ATXN7: variants seen among roughly 807,000 people sequenced by gnomAD.
The protein encoded by ATXN7 is ataxin 7.
A neutral mutation model predicts 70.5 loss-of-function variants in ATXN7; 12 were observed. The ratio of observed to expected loss-of-function variants is 0.17; its 90% CI spans 0.11 to 0.28. The LOEUF (loss-of-function observed/expected upper bound fraction) is 0.28, where lower values mean the gene tolerates loss of function less well. ATXN7 is among the 10% of genes least tolerant of loss of function. The pLI is 1.00. For missense variants in ATXN7, 1,256 were observed against 1,131.7 expected, an observed-to-expected ratio of 1.11 and a Z score of -1.58; for synonymous variants, 498 against 448.7, an observed-to-expected ratio of 1.11 and a Z score of -1.39.
chr3:63,990,855 T>C lies in ATXN7; in HGVS notation c.1678T>C (p.Trp560Arg). ...GGAGAAGCATCTGAATGCACAGCTA[T>C]GGAAGTGAGTGCCTGTTGTTCTTGG... The part of the protein sequence containing the change: ...MVEKHLNAQL[W>R]KKIPPVPSTT... Residue 560 changes from tryptophan (W) to arginine (R), a missense_variant, in exon 11 of 13, where the codon TGG becomes CGG. Trp to Arg is a moderately radical substitution (Grantham distance 101). Coordinates refer to ENST00000674280, the MANE Select transcript of ATXN7 (RefSeq NM_001377405.1). The C allele has an allele frequency of 6.2e-7, 1 of 1,614,244 alleles. No individual in the cohort carries two copies. The highest frequency in any genetic ancestry group is 8.5e-7 in the Non-Finnish European group (1 of 1,180,052).
intron 4 of ATXN7, among the ~76,000 whole-genome samples, chr3:63,938,464 C>G (rs541760667): frequency 1.3e-5 from 2 of 152,308 alleles, no homozygotes; most frequent in South Asian, 4.1e-4. Context: ...CCCCTTTCCC[C>G]TCTTCAGTGT....
chr3:63,879,197 A>G (rs1048349515), intron 1 of ATXN7, among the ~76,000 whole-genome samples: 3 of 152,230 alleles, frequency 2.0e-5, no homozygotes, highest in African/African-American at 7.2e-5. Context: ...TAATATAAAT[A>G]GCCCAAAGAG....
At chr3:63,980,361 T>A in intron 6 of ATXN7, 194 bp downstream of exon 6, 1 of 698,932 alleles carries the variant, frequency 1.4e-6, no homozygotes, top group Non-Finnish European at 2.3e-6. Flanking sequence ...ATAGCAGTGA[T>A]AATAAGGTTA....
At chr3:63,895,797 C>G (rs1222051823) in intron 1 of ATXN7, among the ~76,000 whole-genome samples, 2 of 152,010 alleles carry the variant, frequency 1.3e-5, no homozygotes, top group East Asian at 3.9e-4. Context: ...CTCTCTCTCT[C>G]TCTGTGTCTC....
chr3:63,942,482 TTTGTG>T, intron 4 of ATXN7, among the ~76,000 whole-genome samples: 1 of 152,302 alleles, frequency 6.6e-6, no homozygotes, highest in South Asian at 2.1e-4. Flanking sequence ...TTTTTTTTCT[TTTGTG>T]TAGGGTTGTG....
intron 4 of ATXN7, among the ~76,000 whole-genome samples, chr3:63,918,386 A>T (rs1007517865): frequency 1.3e-5 from 2 of 152,160 alleles, no homozygotes; most frequent in Non-Finnish European, 2.9e-5. Context: ...CTTAAATAGC[A>T]TTTCTGTTTT....
intron 5 of ATXN7, among the ~76,000 whole-genome samples, chr3:63,954,770 G>A (rs1303115643): frequency 6.9e-6 from 1 of 145,752 alleles, no homozygotes; most frequent in African/African-American, 2.6e-5. Context: ...GTGTAGTGGC[G>A]CCATCTCGGC....
At chr3:63,996,560 TTTGGTTGGG>T in intron 12 of ATXN7, 77 bp downstream of exon 12, 1 of 1,513,796 alleles carries the variant, frequency 6.6e-7, no homozygotes, top group Non-Finnish European at 8.9e-7. Flanking sequence ...CAGAAATGTG[TTTGGTTGGG>T]TTGGTTGGTT....
chr3:63,945,132 C>G (rs2074838427), intron 4 of ATXN7, among the ~76,000 whole-genome samples: 1 of 152,158 alleles, frequency 6.6e-6, no homozygotes, highest in African/African-American at 2.4e-5. Context: ...TGAGTGATTA[C>G]TATCAGTAGT....
rs770246503 is a variant in ATXN7, at chr3:63,912,957, C to T, written c.325+34C>T. On this transcript the variant is annotated intron_variant, in intron 3 of 12. Coordinates refer to ENST00000674280, the MANE Select transcript of ATXN7 (RefSeq NM_001377405.1). ...CCACGCCCTCCTCCCCCCTTCACCCCCTCGCGACCCCCTCCTCTCTCCTCC... is the reference window on the plus strand; with the variant it reads ...CCACGCCCTCCTCCCCCCTTCACCCTCTCGCGACCCCCTCCTCTCTCCTCC... 5.3e-6 allele frequency: 8 copies of T among 1,515,930 alleles called. No individual in the cohort carries two copies. In the East Asian group the frequency reaches 1.0e-4, roughly 20 times the overall value. The allele number at this position is 1,515,930 out of a possible 1,614,324, so 93.9% of individuals were successfully genotyped here. A position where few individuals can be genotyped will look rare whatever the true frequency, so the allele number is the denominator to read the frequency against.
chr3:63,963,249 C>G (rs543281502), intron 5 of ATXN7, among the ~76,000 whole-genome samples: 1 of 152,280 alleles, frequency 6.6e-6, no homozygotes, highest in South Asian at 2.1e-4. Flanking sequence ...TAGCTACCTT[C>G]ACAGTGCATT....
intron 7 of ATXN7, among the ~76,000 whole-genome samples, 197 bp downstream of exon 7, chr3:63,982,642 G>A (rs1172072592): frequency 6.6e-6 from 1 of 151,510 alleles, no homozygotes; most frequent in African/African-American, 2.4e-5. Flanking sequence ...GTGTGTGTGT[G>A]TGTGTGTGTG....
rs975652770 is a variant in ATXN7 at position 64,001,543 on chromosome 3, G to A, written c.*2076G>A. 6.6e-6 allele frequency: 1 copy of A among 152,246 alleles called. No homozygotes were observed. The highest frequency in any genetic ancestry group is 2.4e-5 in the African/African-American group (1 of 41,462). The allele number at this position is 152,246 out of a possible 1,614,324, so 9.4% of individuals were successfully genotyped here. On this transcript the variant is annotated 3_prime_UTR_variant, in exon 13 of 13. Transcript: ENST00000674280. The stretch of plus-strand genomic sequence containing the variant: ...GCAATGGAATTTACAGATCGATCAT[G>A]TTGTTCCGAAAGATGTGAATAGGAT...
At chr3:63,873,531 C>G (rs140514439) in intron 1 of ATXN7, among the ~76,000 whole-genome samples, 1 of 152,276 alleles carries the variant, frequency 6.6e-6, no homozygotes, top group East Asian at 1.9e-4. Context: ...GGGGAGTTGT[C>G]ATTCCCCAGA....
intron 2 of ATXN7, among the ~76,000 whole-genome samples, chr3:63,899,589 T>G (rs1303510471): frequency 6.6e-6 from 1 of 151,768 alleles, no homozygotes; most frequent in African/African-American, 2.4e-5. Flanking sequence ...CTGGCCAACA[T>G]AGCTACACCC....
chr3:63,887,293 G>T (rs1306271305), intron 1 of ATXN7, among the ~76,000 whole-genome samples: 2 of 152,110 alleles, frequency 1.3e-5, no homozygotes, highest in Non-Finnish European at 2.9e-5. Context: ...TGTTTAATTT[G>T]CATCTCCCAG....
At position 63,912,714 on chromosome 3, in the gene ATXN7, AGCC is replaced by A; in HGVS notation, c.123_125del (p.Pro43del). On this transcript the variant is annotated inframe_deletion, in exon 3 of 13. Coordinates refer to ENST00000674280, the MANE Select transcript of ATXN7 (RefSeq NM_001377405.1). The stretch of plus-strand genomic sequence containing the variant: ...CAGCAGCAGCAGCAGCAGCAGCAGC[AGCC>A]GCCGCCTCCGCAGCCCCAGCGGCAG... 4.9e-6 allele frequency: 6 copies of A among 1,212,576 alleles called. No individual in the cohort carries two copies. Among genetic ancestry groups the A allele is most frequent in the South Asian group, 3.3e-5 (1 of 30,724 alleles). 75.1% of individuals were successfully genotyped at this position (1,212,576 alleles called of 1,614,324 possible).
In ATXN7 at chr3:63,983,000, C is replaced by T. The variant is rs751604463; in HGVS notation, c.1074C>T (p.Cys358=). 30 of 1,614,004 alleles carry T rather than the reference C, an allele frequency of 1.9e-5. No individual in the cohort carries two copies. The highest frequency in any genetic ancestry group is 2.5e-5 in the Non-Finnish European group (30 of 1,179,940). The part of the protein sequence containing the change: ...GVIDLDTKKP[C]TRSLTCKTHS... ...TTGATCTCGACACCAAGAAGCCCTGCACCCGGTCTTTGACATGCAAGGTAG... is the reference window on the plus strand; with the variant it reads ...TTGATCTCGACACCAAGAAGCCCTGTACCCGGTCTTTGACATGCAAGGTAG... The change falls in exon 8 of 13, where the codon TGC becomes TGT. Residue 358 remains cysteine (C), a synonymous_variant. Transcript: ENST00000674280.
In ATXN7 at chr3:63,998,730, C is replaced by T. The variant is rs1234717838; in HGVS notation, c.2662-720C>T. On this transcript the variant is annotated intron_variant, in intron 12 of 12. Transcript: ENST00000674280. ...CATTTTTATGTCTTTGTTCATTTAT[C>T]GTATAGCTTTCATAAGAATCTCAAA... 13 of 967,766 alleles carry T rather than the reference C, an allele frequency of 1.3e-5. No individual in the cohort carries two copies. The South Asian group carries it at 4.8e-4, about 36-fold the overall frequency. The allele number at this position is 967,766 out of a possible 1,614,324, so 59.9% of individuals were successfully genotyped here.
Sources: allele counts gnomAD v4.1 joint callset (sites outside exome capture counted in the v4.1 genomes callset), GRCh38; gene constraint gnomAD v4.1.1; transcripts MANE v1.5; gene names NCBI Gene and HGNC (gene_info 2026-07-23, HGNC 2026-07-21).